VTI1A: variants seen among roughly 807,000 people sequenced by gnomAD.
VTI1A encodes vesicle transport through interaction with t-SNAREs homolog 1A.
VTI1A carries 22 observed loss-of-function variants against 34.9 expected under a neutral mutation model. That is an observed-to-expected ratio of 0.63 (90% CI 0.45 to 0.90). The LOEUF is 0.90. Ranked by LOEUF, VTI1A falls within the 40% of genes least tolerant of loss-of-function variation. The pLI is 0.00. For missense variants in VTI1A, 268 were observed against 275.6 expected (o/e 0.97, Z 0.20); for synonymous variants, 87 against 97.3 (o/e 0.89, Z 0.62).
chr10:112,447,508 C>A (rs1407429554), intron 1 of VTI1A, 41 bp downstream of exon 1: 2 of 1,603,224 alleles, frequency 1.2e-6, no homozygotes, highest in Non-Finnish European at 1.7e-6. Flanking sequence ...CTGGGGAGAG[C>A]TGGGAGGGTG....
chr10:112,809,632 A>G (rs993420452), intron 7 of VTI1A, among the ~76,000 whole-genome samples: 4 of 152,216 alleles, frequency 2.6e-5, no homozygotes, highest in African/African-American at 4.8e-5. Flanking sequence ...CTAAGTCCTA[A>G]AGCTGTGCTT....
At chr10:112,576,946 CTTG>C (rs1465430642) in intron 5 of VTI1A, among the ~76,000 whole-genome samples, 7 of 152,076 alleles carry the variant, frequency 4.6e-5, no homozygotes, top group African/African-American at 9.7e-5. Context: ...ATTTTCTACT[CTTG>C]TTGTTTTAAA....
chr10:112,548,787 G>C, intron 5 of VTI1A: 1 of 1,493,502 alleles, frequency 6.7e-7, no homozygotes, highest in South Asian at 1.2e-5. Flanking sequence ...ACATGGGCTT[G>C]CCAGGAACCA....
intron 7 of VTI1A, among the ~76,000 whole-genome samples, chr10:112,781,241 G>A (rs111582191): frequency 2.0e-5 from 3 of 151,920 alleles, no homozygotes; most frequent in Non-Finnish European, 4.4e-5. Context: ...CACCGCGCCC[G>A]GCCCAGATCT....
rs184816553 is a variant in VTI1A, at chr10:112,724,149, C to G, written c.560+55151C>G. ...GTCATTTAATTGAAAAAAGCTGGCA[C>G]AGAGATATTACAGGTCCCAATAGGT... On this transcript the variant is annotated intron_variant, in intron 7 of 7. Transcript: ENST00000393077. Among the ~76,000 whole-genome samples the G allele has an allele frequency of 3.3e-5, 5 of 152,210 alleles. No individual in the cohort carries two copies. The East Asian group carries it at 9.6e-4, about 29-fold the overall frequency.
intron 7 of VTI1A, among the ~76,000 whole-genome samples, chr10:112,711,237 T>A (rs1488694955): frequency 6.6e-6 from 1 of 152,200 alleles, no homozygotes; most frequent in Non-Finnish European, 1.5e-5. Flanking sequence ...TCCCAAATCA[T>A]CAGATTGTGC....
rs1384489247 is a variant in VTI1A, at chr10:112,751,963, ACCTAGTCTTAT to A, written c.561-63324_561-63314del. Reference sequence around the variant, plus strand: ...CGGCATTCTCTAATAGCTACAACTTACCTAGTCTTATCCAGTATAGGTATCAGGGAAGTGAT... The same window carrying A: ...CGGCATTCTCTAATAGCTACAACTTACCAGTATAGGTATCAGGGAAGTGAT... On this transcript the variant is annotated intron_variant, in intron 7 of 7. Transcript: ENST00000393077. Among the ~76,000 whole-genome samples the A allele has an allele frequency of 2.0e-5, 3 of 152,198 alleles. No homozygotes were observed. The East Asian group carries it at 5.8e-4, about 29-fold the overall frequency.
intron 5 of VTI1A, among the ~76,000 whole-genome samples, chr10:112,638,947 C>T: frequency 6.6e-6 from 1 of 151,652 alleles, no homozygotes; most frequent in East Asian, 1.9e-4. Flanking sequence ...AAAGTATCAG[C>T]ATTTAAAAGC....
chr10:112,597,987 G>A (rs1237399571), intron 5 of VTI1A, among the ~76,000 whole-genome samples: 2 of 151,942 alleles, frequency 1.3e-5, no homozygotes, highest in Middle Eastern at 3.2e-3. Flanking sequence ...ATGAGCCACC[G>A]CGCCCGGCCA....
chr10:112,750,821 G>C (rs1209774438), intron 7 of VTI1A, among the ~76,000 whole-genome samples: 1 of 152,182 alleles, frequency 6.6e-6, no homozygotes, highest in Non-Finnish European at 1.5e-5. Flanking sequence ...ATTTTATCAG[G>C]ATCTCTGTAA....
chr10:112,471,833 A>G (rs984393296), intron 3 of VTI1A, among the ~76,000 whole-genome samples: 6 of 152,194 alleles, frequency 3.9e-5, no homozygotes, highest in Admixed American at 1.3e-4. Context: ...GAATTTTTCA[A>G]GTTTAAGATT....
chr10:112,818,784 C>T (rs1853595514), downstream of VTI1A: 1 of 169,600 alleles, frequency 5.9e-6, no homozygotes, highest in South Asian at 2.3e-4. Flanking sequence ...ATTATTTAAA[C>T]ATTAGCTGTG....
intron 7 of VTI1A, among the ~76,000 whole-genome samples, chr10:112,784,420 G>T (rs926289427): frequency 6.6e-6 from 1 of 152,230 alleles, no homozygotes; most frequent in South Asian, 2.1e-4. Context: ...GTGCTGTTCA[G>T]TGTGGCCTTC....
At chr10:112,635,039 C>T (rs1394821756) in intron 5 of VTI1A, among the ~76,000 whole-genome samples, 4 of 152,166 alleles carry the variant, frequency 2.6e-5, no homozygotes, top group Non-Finnish European at 5.9e-5. Context: ...CTCCTACGGA[C>T]ATTTGCCGGA....
intron 5 of VTI1A, among the ~76,000 whole-genome samples, chr10:112,635,556 A>AT (rs1423584550): frequency 2.0e-5 from 3 of 152,182 alleles, no homozygotes; most frequent in Admixed American, 6.5e-5. Flanking sequence ...TTTTAGGAAG[A>AT]TTTTAGAAAG....
chr10:112,803,135 C>T (rs1852934794), intron 7 of VTI1A, among the ~76,000 whole-genome samples: 1 of 152,142 alleles, frequency 6.6e-6, no homozygotes, highest in African/African-American at 2.4e-5. Context: ...ATGGTTCAAT[C>T]TCGGCTCATT....
chr10:112,668,962 G>GA lies in VTI1A; in HGVS notation c.529dup (p.Ser177LysfsTer60). On this transcript the variant is annotated frameshift_variant, in exon 7 of 8. Transcript: ENST00000393077. LOFTEE classifies it high-confidence loss of function. ...CTTCGGGAAACAGATGCTAATTTGG[G>GA]AAAAAGCTCCAGGATTCTGACAGGG... 1 of 1,612,462 alleles carries GA rather than the reference G, an allele frequency of 6.2e-7. No homozygotes were observed. Among genetic ancestry groups the GA allele is most frequent in the Non-Finnish European group, 8.5e-7 (1 of 1,178,760 alleles).
chr10:112,499,718 C>T (rs1319272019), intron 3 of VTI1A, among the ~76,000 whole-genome samples: 1 of 152,116 alleles, frequency 6.6e-6, no homozygotes, highest in African/African-American at 2.4e-5. Flanking sequence ...GTTGGTTATT[C>T]TAATTAATGT....
intron 3 of VTI1A, among the ~76,000 whole-genome samples, chr10:112,486,249 C>A (rs1351338519): frequency 6.6e-6 from 1 of 152,124 alleles, no homozygotes; most frequent in Non-Finnish European, 1.5e-5. Context: ...AGTTAGAAGG[C>A]CTGGATTTAA....
Sources: gnomAD v4.1 joint callset for allele counts (sites outside exome capture counted in the v4.1 genomes callset) on GRCh38, gnomAD v4.1.1 for gene constraint, MANE v1.5 for transcripts, NCBI Gene and HGNC (gene_info 2026-07-23, HGNC 2026-07-21) for gene names.